The following ZDHHC13 variants were observed in gnomAD, a reference collection of about 807,000 sequenced individuals.
The protein encoded by ZDHHC13 is palmitoyltransferase ZDHHC13.
A neutral mutation model predicts 86.0 loss-of-function variants in ZDHHC13; 85 were observed. The ratio of observed to expected loss-of-function variants is 0.99; its 90% confidence interval spans 0.83 to 1.18. The LOEUF (loss-of-function observed/expected upper bound fraction) is 1.18, where lower values mean the gene tolerates loss of function less well. Among genes scored for constraint, ZDHHC13 ranks in the 50% most tolerant of loss-of-function variants. The pLI is 0.00. For missense variants in ZDHHC13, 711 were observed against 730.2 expected (o/e 0.97, Z 0.30); for synonymous variants, 263 against 246.4 (o/e 1.07, Z -0.63).
chr11:19,163,311 G>A lies in ZDHHC13; in HGVS notation c.1117G>A (p.Gly373Arg), dbSNP rs765228013. Residue 373 changes from glycine (G) to arginine (R), a missense_variant, in exon 11 of 17, where the codon GGA becomes AGA. Gly to Arg is a moderately radical substitution (Grantham distance 125). Coordinates refer to ENST00000446113, the MANE Select transcript of ZDHHC13 (RefSeq NM_019028.3). Reference protein sequence around the residue: ...WFILFFPDLAGAPFYFSFIFS... With the variant: ...WFILFFPDLARAPFYFSFIFS... ...CTTAACTTGGCTTTAACATTTAGCAGGAGCCCCTTTCTATTTCAGTTTCAT... is the reference window on the plus strand; with the variant it reads ...CTTAACTTGGCTTTAACATTTAGCAAGAGCCCCTTTCTATTTCAGTTTCAT... 2 of 1,585,742 alleles carry A rather than the reference G, an allele frequency of 1.3e-6. No homozygotes were observed. Among genetic ancestry groups the A allele is most frequent in the East Asian group, 4.5e-5 (2 of 44,078 alleles).
At chr11:19,145,174 A>G (rs1344042020) in intron 2 of ZDHHC13, among the ~76,000 whole-genome samples, 1 of 152,136 alleles carries the variant, frequency 6.6e-6, no homozygotes, top group Non-Finnish European at 1.5e-5. Flanking sequence ...TGTCTTTTTA[A>G]TGCTATAATT....
rs780722559 is a variant in ZDHHC13 at position 19,143,084 on chromosome 11, T to G, written c.134T>G (p.Ile45Arg). ...LANAREALPL[I>R]EDSSNCDIVK... ...AATGCAAGAGAAGCTCTTCCTCTTA[T>G]AGAGGACTCTAGTAACTGTGACATT... is the stretch of plus-strand genomic sequence containing the variant. The change falls in exon 2 of 17, where the codon ATA becomes AGA. Residue 45 changes from isoleucine to arginine, a missense_variant. Coordinates refer to ENST00000446113, the MANE Select transcript of ZDHHC13 (RefSeq NM_019028.3). 1.9e-6 allele frequency: 3 copies of G among 1,613,336 alleles called. 1 individual carries two copies. The South Asian group carries it at 3.3e-5, about 18-fold the overall frequency.
rs1340214959 is a variant in ZDHHC13 at position 19,164,733 on chromosome 11, A to G, written c.1297-319A>G. On this transcript the variant is annotated intron_variant, in intron 12 of 16. Transcript: ENST00000446113. Reference sequence around the variant, plus strand: ...TCAAGGGAGGAAGTAAATTCTCCCAAATTATTGGTGGTGCTAAAAATGGAA... The same window carrying G: ...TCAAGGGAGGAAGTAAATTCTCCCAGATTATTGGTGGTGCTAAAAATGGAA... 2.1e-5 allele frequency: 9 copies of G among 421,028 alleles called. No homozygotes were observed. In the South Asian group the frequency reaches 2.5e-4, roughly 12 times the overall value. The allele number at this position is 421,028 out of a possible 1,614,324, so 26.1% of individuals were successfully genotyped here.
chr11:19,141,908 C>T (rs552669174), intron 1 of ZDHHC13, among the ~76,000 whole-genome samples: 1 of 152,116 alleles, frequency 6.6e-6, no homozygotes, highest in East Asian at 1.9e-4. Flanking sequence ...TTTACCCTCC[C>T]AAATTATGCA....
intron 13 of ZDHHC13, among the ~76,000 whole-genome samples, chr11:19,165,629 C>T (rs912380969): frequency 1.3e-5 from 2 of 152,290 alleles, no homozygotes; most frequent in Non-Finnish European, 2.9e-5. Context: ...TTGCCCTTCC[C>T]GCTTTCTTCC....
chr11:19,159,712 T>C (rs931349827), intron 10 of ZDHHC13, among the ~76,000 whole-genome samples: 10 of 151,974 alleles, frequency 6.6e-5, no homozygotes, highest in African/African-American at 2.4e-4. Context: ...AGGAATAGGT[T>C]TATTACTTAA....
At chr11:19,149,379 G>T in intron 5 of ZDHHC13, 48 bp downstream of exon 5, 1 of 1,428,268 alleles carries the variant, frequency 7.0e-7, no homozygotes, top group South Asian at 1.6e-5. Flanking sequence ...CATCTGAAGA[G>T]GTTGGGGAAA....
Position 19,159,045 on chromosome 11 carries a change from C to A in ZDHHC13, c.1108+5C>A. 1 of 1,527,904 alleles carries A rather than the reference C, an allele frequency of 6.5e-7. No individual in the cohort carries two copies. 94.6% of individuals were successfully genotyped at this position (1,527,904 alleles called of 1,614,324 possible). On this transcript the variant is annotated splice_donor_5th_base_variant and intron_variant, in intron 10 of 16. Coordinates refer to ENST00000446113, the MANE Select transcript of ZDHHC13 (RefSeq NM_019028.3). ...GGTTCATCTTATTTTTTCCTGATAT[C>A]CTTTAAGCATCAATTTTGATGTGTA... is the stretch of plus-strand genomic sequence containing the variant.
chr11:19,161,248 C>T lies in ZDHHC13; in HGVS notation c.1109-2055C>T, dbSNP rs962160279. The stretch of plus-strand genomic sequence containing the variant: ...TGGGGCACTATGGAAGAAGACAAAA[C>T]GATTTTGAGTTTTAGCTCTTTTCAG... On this transcript the variant is annotated intron_variant, in intron 10 of 16. Coordinates refer to ENST00000446113, the MANE Select transcript of ZDHHC13 (RefSeq NM_019028.3). 8.1e-4 allele frequency among the ~76,000 whole-genome samples: 123 copies of T among 151,942 alleles called. 2 individuals carry two copies. The highest frequency in any genetic ancestry group is 2.8e-3 in the African/African-American group (114 of 41,334).
chr11:19,117,898 G>A lies in ZDHHC13; in HGVS notation c.27+622G>A, dbSNP rs1202323321. The A allele has an allele frequency of 6.6e-6, 1 of 152,284 alleles. No homozygotes were observed. Among genetic ancestry groups the A allele is most frequent in the Non-Finnish European group, 1.5e-5 (1 of 68,096 alleles). The allele number at this position is 152,284 out of a possible 1,614,324, so 9.4% of individuals were successfully genotyped here. A position where few individuals can be genotyped will look rare whatever the true frequency, so the allele number is the denominator to read the frequency against. On this transcript the variant is annotated intron_variant, in intron 1 of 16. Coordinates refer to ENST00000446113, the MANE Select transcript of ZDHHC13 (RefSeq NM_019028.3). This position sits in a 1 kb window ranked among gnomAD's most constrained non-coding sequence, Gnocchi z 4.2. ...GGTGTTATATAAAAGCCAGACGGAGGTCCAAAGAAGCCAGGCGGGCCAGTC... is the reference window on the plus strand; with the variant it reads ...GGTGTTATATAAAAGCCAGACGGAGATCCAAAGAAGCCAGGCGGGCCAGTC...
chr11:19,133,942 T>TATATATATATATATATACAC lies in ZDHHC13; in HGVS notation c.28-9035_28-9034insTATATATATATATATACACA. ...GTCCATATATATATATATATATATA[T>TATATATATATATATATACAC]ACACGTATGTGTTTTATATACTTCA... On this transcript the variant is annotated intron_variant, in intron 1 of 16. Coordinates refer to ENST00000446113, the MANE Select transcript of ZDHHC13 (RefSeq NM_019028.3). Among the ~76,000 whole-genome samples the TATATATATATATATATACAC allele has an allele frequency of 2.4e-3, 227 of 96,040 alleles. 11 individuals carry two copies. Among genetic ancestry groups the TATATATATATATATATACAC allele is most frequent in the South Asian group, 6.0e-3 (16 of 2,660 alleles). 63.0% of individuals were successfully genotyped at this position (96,040 alleles called of 152,430 possible). A position where few individuals can be genotyped will look rare whatever the true frequency, so the allele number is the denominator to read the frequency against.
chr11:19,137,841 T>C (rs1849188300), intron 1 of ZDHHC13, among the ~76,000 whole-genome samples: 1 of 152,128 alleles, frequency 6.6e-6, no homozygotes, highest in Non-Finnish European at 1.5e-5. Context: ...AAGGCAGAAA[T>C]AAAGATGTTC....
chr11:19,137,705 A>G (rs1849183638), intron 1 of ZDHHC13, among the ~76,000 whole-genome samples: 2 of 152,252 alleles, frequency 1.3e-5, no homozygotes, highest in African/African-American at 4.8e-5. Flanking sequence ...AATTATAACA[A>G]AGTATCTCTC....
chr11:19,171,881 G>A (rs1850230345), intron 15 of ZDHHC13, among the ~76,000 whole-genome samples: 1 of 152,102 alleles, frequency 6.6e-6, no homozygotes, highest in Non-Finnish European at 1.5e-5. Flanking sequence ...CATTTCCTGA[G>A]CGCTCTGGGT....
At chr11:19,132,265 G>A (rs1157205341) in intron 1 of ZDHHC13, among the ~76,000 whole-genome samples, 2 of 152,166 alleles carry the variant, frequency 1.3e-5, no homozygotes, top group African/African-American at 4.8e-5. Flanking sequence ...GTCCTTTGAA[G>A]TCTGATTTTA....
rs34963467 is a variant in ZDHHC13 at position 19,141,675 on chromosome 11, CT to C, written c.28-1288del. On this transcript the variant is annotated intron_variant, in intron 1 of 16. Coordinates refer to ENST00000446113, the MANE Select transcript of ZDHHC13 (RefSeq NM_019028.3). The stretch of plus-strand genomic sequence containing the variant: ...ATAATTGATCTTAGATTTTTGTGGG[CT>C]TTTTTTTTTTTTTTAACATTAGCGA... Among the ~76,000 whole-genome samples the C allele has an allele frequency of 5.5e-3, 775 of 140,326 alleles. 1 individual carries two copies. The highest frequency in any genetic ancestry group is 0.027 in the East Asian group (133 of 4,906). 92.1% of individuals were successfully genotyped at this position (140,326 alleles called of 152,430 possible).
At chr11:19,145,051 G>A (rs899281410) in intron 2 of ZDHHC13, among the ~76,000 whole-genome samples, 6 of 152,076 alleles carry the variant, frequency 3.9e-5, no homozygotes, top group African/African-American at 1.4e-4. Context: ...AGAGGTTGAA[G>A]TGAGCTGAGA....
At chr11:19,170,845 C>G (rs1200823787) in intron 15 of ZDHHC13, among the ~76,000 whole-genome samples, 1 of 152,192 alleles carries the variant, frequency 6.6e-6, no homozygotes, top group Middle Eastern at 3.2e-3. Flanking sequence ...AATCTGACCT[C>G]TTTATTTTAC....
At chr11:19,169,719 T>A in intron 14 of ZDHHC13, 2 of 985,504 alleles carry the variant, frequency 2.0e-6, no homozygotes, top group Non-Finnish European at 2.4e-6. Context: ...TTACTGCTGC[T>A]CCTAGCTACA....
Sources: gnomAD v4.1 joint callset for allele counts (sites outside exome capture counted in the v4.1 genomes callset) on GRCh38, gnomAD v4.1.1 for gene constraint, Gnocchi (gnomAD v3.1) non-coding constraint, MANE v1.5 for transcripts, NCBI Gene and HGNC (gene_info 2026-07-23, HGNC 2026-07-21) for gene names.